Variants in NCOA3 observed in about 807,000 individuals in gnomAD.
NCOA3 encodes the protein nuclear receptor coactivator 3, also known as CBP-interacting protein.
Under a neutral mutation model 158.8 loss-of-function variants are expected in NCOA3, and 51 were observed. The ratio of observed to expected loss-of-function variants is 0.32; its 90% confidence interval spans 0.26 to 0.41. NCOA3 has a LOEUF of 0.41. Ranked by LOEUF, NCOA3 falls within the 10% of genes least tolerant of loss-of-function variation. NCOA3 has a pLI of 1.00. For missense variants in NCOA3, 1,510 were observed against 1,746.6 expected, an observed-to-expected ratio of 0.86 and a Z score of 2.41; for synonymous variants, 537 against 592.4, an observed-to-expected ratio of 0.91 and a Z score of 1.36.
chr20:47,542,820 G>A (rs2084767315), intron 1 of NCOA3, among the ~76,000 whole-genome samples: 1 of 152,086 alleles, frequency 6.6e-6, no homozygotes, highest in South Asian at 2.1e-4. Context: ...AAATTATCCG[G>A]GCATGGTGGC....
intron 1 of NCOA3, among the ~76,000 whole-genome samples, chr20:47,546,737 G>C (rs1425834582): frequency 6.6e-6 from 1 of 151,908 alleles, no homozygotes; most frequent in Non-Finnish European, 1.5e-5. Context: ...CTCCATGTTG[G>C]TCAGGCTGGT....
intron 1 of NCOA3, among the ~76,000 whole-genome samples, chr20:47,517,085 G>A (rs543265507): frequency 6.6e-6 from 1 of 152,266 alleles, no homozygotes; most frequent in South Asian, 2.1e-4. Context: ...AGTCGTGGTG[G>A]CACATGCCAG....
intron 1 of NCOA3, among the ~76,000 whole-genome samples, chr20:47,577,103 G>T (rs1221663779): frequency 6.6e-6 from 1 of 152,180 alleles, no homozygotes; most frequent in Non-Finnish European, 1.5e-5. Context: ...GGCTAGTTTA[G>T]TTCCATTGTT....
intron 2 of NCOA3, among the ~76,000 whole-genome samples, chr20:47,616,645 T>C (rs1316247108): frequency 6.6e-6 from 1 of 152,222 alleles, no homozygotes; most frequent in Non-Finnish European, 1.5e-5. Context: ...ATTGAAAGAT[T>C]GACTTGGTTT....
At chr20:47,633,213 T>C (rs925628688) in intron 8 of NCOA3, among the ~76,000 whole-genome samples, 2 of 152,188 alleles carry the variant, frequency 1.3e-5, no homozygotes, top group Non-Finnish European at 2.9e-5. Context: ...AAAATACTTT[T>C]ATTACTCAGG....
At position 47,635,900 on chromosome 20, in the gene NCOA3, C is replaced by T. The variant is rs778918752; in HGVS notation, c.1514C>T (p.Ser505Phe). 3.8e-5 allele frequency: 62 copies of T among 1,611,722 alleles called. No homozygotes were observed. Among genetic ancestry groups the T allele is most frequent in the Non-Finnish European group, 4.6e-5 (54 of 1,178,952 alleles). The change falls in exon 12 of 23, where the codon TCT becomes TTT. Residue 505 changes from serine (S) to phenylalanine (F), a missense_variant. Ser to Phe is a radical substitution (Grantham distance 155). Around this residue, in one of 4 missense-constraint regions of NCOA3, gnomAD observed 1,017 missense variants for 1,098.3 expected, o/e 0.93. Transcript: ENST00000371998. ...TTTTTTTCAAATTCAGGTGTGCACT[C>T]TCCCATGGCATCTTCTGGCAATACT... Reference protein sequence around the residue: ...HQFSPVAGVHSPMASSGNTGN... With the variant: ...HQFSPVAGVHFPMASSGNTGN...
At chr20:47,567,457 C>T (rs1169005062) in intron 1 of NCOA3, among the ~76,000 whole-genome samples, 1 of 151,516 alleles carries the variant, frequency 6.6e-6, no homozygotes, top group Non-Finnish European at 1.5e-5. Flanking sequence ...GAGTGCAGTG[C>T]AGTGGTGCAA....
intron 1 of NCOA3, among the ~76,000 whole-genome samples, chr20:47,522,343 C>T (rs1245403419): frequency 2.0e-5 from 3 of 151,190 alleles, no homozygotes; most frequent in African/African-American, 7.3e-5. Context: ...ACCTCGTGAT[C>T]TGCCCGCGTC....
At chr20:47,570,970 A>AC (rs2085284013) in intron 1 of NCOA3, among the ~76,000 whole-genome samples, 1 of 127,622 alleles carries the variant, frequency 7.8e-6, no homozygotes, top group Non-Finnish European at 1.7e-5. Context: ...ACACACACAC[A>AC]AGTATATACA....
Position 47,654,683 on chromosome 20 carries a change from AT to A in NCOA3, c.*1272del, listed in dbSNP as rs1387644026. The A allele has an allele frequency of 1.3e-5, 2 of 152,458 alleles. No individual in the cohort carries two copies. Among genetic ancestry groups the A allele is most frequent in the Non-Finnish European group, 2.9e-5 (2 of 68,030 alleles). 9.4% of individuals were successfully genotyped at this position (152,458 alleles called of 1,614,324 possible). A position where few individuals can be genotyped will look rare whatever the true frequency, so the allele number is the denominator to read the frequency against. On this transcript the variant is annotated 3_prime_UTR_variant, in exon 23 of 23. Transcript: ENST00000371998. The stretch of plus-strand genomic sequence containing the variant: ...TATTTGTTTAGATGTAGGCATTTTA[AT>A]TTTTTAAAAATTCCTCTACCAGAAC...
chr20:47,636,687 T>A lies in NCOA3; in HGVS notation c.2301T>A (p.Ser767Arg), dbSNP rs764124158. The A allele has an allele frequency of 2.0e-5, 32 of 1,613,844 alleles. No individual in the cohort carries two copies. The highest frequency in any genetic ancestry group is 2.5e-6 in the Non-Finnish European group (3 of 1,179,960). Reference protein sequence around the residue: ...PQVEGVDNKMSQCTSSTIPSS... With the variant: ...PQVEGVDNKMRQCTSSTIPSS... ...TGGAAGGAGTGGATAATAAAATGAGTCAGTGCACCAGCTCCACCATTCCTA... is the reference window on the plus strand; with the variant it reads ...TGGAAGGAGTGGATAATAAAATGAGACAGTGCACCAGCTCCACCATTCCTA... Residue 767 changes from serine (S) to arginine (R), a missense_variant, in exon 12 of 23, where the codon AGT becomes AGA. Ser to Arg is a moderately radical substitution (Grantham distance 110, BLOSUM62 -1). Coordinates refer to ENST00000371998, the MANE Select transcript of NCOA3 (RefSeq NM_181659.3).
intron 7 of NCOA3, 52 bp downstream of exon 7, chr20:47,627,801 T>G: frequency 6.3e-7 from 1 of 1,592,194 alleles, no homozygotes; most frequent in Non-Finnish European, 8.6e-7. Context: ...GTGGCCATAC[T>G]TGGAGTTTTG....
At chr20:47,584,240 A>C (rs1217976528) in intron 2 of NCOA3, among the ~76,000 whole-genome samples, 1 of 152,160 alleles carries the variant, frequency 6.6e-6, no homozygotes, top group East Asian at 1.9e-4. Context: ...AGCTGCAGTG[A>C]GCTATGACTG....
chr20:47,600,534 G>C (rs1254873608), intron 2 of NCOA3, among the ~76,000 whole-genome samples: 1 of 150,456 alleles, frequency 6.6e-6, no homozygotes, highest in African/African-American at 2.4e-5. Context: ...GTGTGGGTTG[G>C]GGGAGATGGA....
At chr20:47,600,110 TTGTGTG>T (rs11472351) in intron 2 of NCOA3, among the ~76,000 whole-genome samples, 81 of 143,076 alleles carry the variant, frequency 5.7e-4, no homozygotes, top group Admixed American at 1.4e-3. Context: ...CTCACTTCCT[TTGTGTG>T]TGTGTGTGTG....
At chr20:47,513,499 G>A (rs2084180502) in intron 1 of NCOA3, among the ~76,000 whole-genome samples, 1 of 152,092 alleles carries the variant, frequency 6.6e-6, no homozygotes, top group African/African-American at 2.4e-5. Flanking sequence ...GCTGAGGCAA[G>A]CAGATCATTC....
chr20:47,521,735 A>T (rs921311540), intron 1 of NCOA3, among the ~76,000 whole-genome samples: 1 of 152,224 alleles, frequency 6.6e-6, no homozygotes, highest in Non-Finnish European at 1.5e-5. Context: ...AGAATTGAAC[A>T]TACTGACATA....
chr20:47,522,638 T>C (rs1462848247), intron 1 of NCOA3, among the ~76,000 whole-genome samples: 1 of 151,990 alleles, frequency 6.6e-6, no homozygotes, highest in Non-Finnish European at 1.5e-5. Flanking sequence ...ATCATTCGCG[T>C]AGCCCGTGAA....
intron 9 of NCOA3, 172 bp from the exon 10 acceptor site, chr20:47,633,876 G>T: frequency 1.1e-6 from 1 of 886,628 alleles, no homozygotes; most frequent in Non-Finnish European, 1.7e-6. Context: ...GTGAGGGGTA[G>T]GAAAATGATG....
Sources: allele counts gnomAD v4.1 joint callset (sites outside exome capture counted in the v4.1 genomes callset), GRCh38; gene constraint gnomAD v4.1.1; regional missense constraint gnomAD v4.1.1; transcripts MANE v1.5; gene names NCBI Gene and HGNC (gene_info 2026-07-23, HGNC 2026-07-21).